Variants in ZNF37A observed in about 807,000 individuals in gnomAD.
The protein encoded by ZNF37A is zinc finger protein 37a (KOX 21).
Under a neutral mutation model 12.3 loss-of-function variants are expected in ZNF37A, and 10 were observed. The observed-to-expected ratio is 0.82, with a 90% CI of 0.50 to 1.38. The LOEUF is 1.38. Among genes scored for constraint, ZNF37A ranks in the 40% most tolerant of loss-of-function variants. The pLI, the probability that ZNF37A is intolerant of heterozygous loss-of-function variation, is 0.00. For synonymous variants in ZNF37A, 207 were observed against 223.0 expected (o/e 0.93, Z 0.64); for missense variants, 580 against 651.2 (o/e 0.89, Z 1.19).
In ZNF37A at chr10:38,119,911, T is replaced by A. The variant is rs1337200938; in HGVS notation, c.*1074T>A. On this transcript the variant is annotated 3_prime_UTR_variant, in exon 8 of 8. Transcript: ENST00000685332. Reference sequence around the variant, plus strand: ...CAGAATGGTGGATCAAAGCAGCAAGTCAATTTGCCTTGTATGCAACTTATG... The same window carrying A: ...CAGAATGGTGGATCAAAGCAGCAAGACAATTTGCCTTGTATGCAACTTATG... 1 of 152,194 alleles carries A rather than the reference T, an allele frequency of 6.6e-6. No homozygotes were observed. Among genetic ancestry groups the A allele is most frequent in the Non-Finnish European group, 1.5e-5 (1 of 68,042 alleles). The allele number at this position is 152,194 out of a possible 1,614,324, so 9.4% of individuals were successfully genotyped here. A position where few individuals can be genotyped will look rare whatever the true frequency, so the allele number is the denominator to read the frequency against.
At chr10:38,130,946 TGAC>T (rs2070018417) in intron 7 of ZNF37A, among the ~76,000 whole-genome samples, 1 of 152,246 alleles carries the variant, frequency 6.6e-6, no homozygotes, top group Admixed American at 6.5e-5. Context: ...ACTTCTCTAA[TGAC>T]TACTGATGTT....
At chr10:38,143,963 G>A (rs2070221007) in intron 7 of ZNF37A, 1 of 152,278 alleles carries the variant, frequency 6.6e-6, no homozygotes, top group Non-Finnish European at 1.5e-5. Flanking sequence ...GCCTCCACCT[G>A]TGACTGCTTT....
chr10:38,099,105 G>A (rs2067364378), intron 5 of ZNF37A, among the ~76,000 whole-genome samples: 1 of 152,124 alleles, frequency 6.6e-6, no homozygotes, highest in African/African-American at 2.4e-5. Flanking sequence ...AATATATGTG[G>A]CCAAAGCAGG....
At chr10:38,107,750 CAAAG>C (rs1359732274) in intron 5 of ZNF37A, among the ~76,000 whole-genome samples, 5 of 152,046 alleles carry the variant, frequency 3.3e-5, no homozygotes, top group African/African-American at 9.7e-5. Context: ...TCAAAAGAGA[CAAAG>C]AAGGGCATTA....
intron 5 of ZNF37A, 143 bp from the exon 6 acceptor site, chr10:38,114,612 A>G: frequency 1.0e-6 from 1 of 992,706 alleles, no homozygotes; most frequent in Non-Finnish European, 1.5e-6. Context: ...TGTAACATAA[A>G]ACAACATATA....
exon 8 of ZNF37A, chr10:38,149,410 G>A (rs910932457): frequency 1.3e-5 from 2 of 151,968 alleles, no homozygotes; most frequent in African/African-American, 4.8e-5. Context: ...GTCTCCTCCA[G>A]GCTCTCTCAC....
chr10:38,128,255 C>T (rs1474539045), downstream of ZNF37A, among the ~76,000 whole-genome samples: 6 of 152,106 alleles, frequency 3.9e-5, no homozygotes, highest in Admixed American at 3.9e-4. Context: ...AGGAAGGATG[C>T]ACAGAGGACT....
intron 5 of ZNF37A, among the ~76,000 whole-genome samples, chr10:38,112,486 A>G (rs2068772105): frequency 6.6e-6 from 1 of 151,970 alleles, no homozygotes; most frequent in Non-Finnish European, 1.5e-5. Context: ...AAATTTGTGC[A>G]ACCTCAGACA....
intron 7 of ZNF37A, chr10:38,140,099 A>G (rs556549190): frequency 6.6e-6 from 1 of 152,368 alleles, no homozygotes; most frequent in African/African-American, 2.4e-5. Flanking sequence ...AATCATTGCT[A>G]TGGCTGTACT....
In ZNF37A at chr10:38,120,255, C is replaced by T. The variant is rs1468150941; in HGVS notation, c.*1418C>T. 3 of 151,930 alleles carry T rather than the reference C, an allele frequency of 2.0e-5. No individual in the cohort carries two copies. The highest frequency in any genetic ancestry group is 7.3e-5 in the African/African-American group (3 of 41,336). The allele number at this position is 151,930 out of a possible 1,614,324, so 9.4% of individuals were successfully genotyped here. The stretch of plus-strand genomic sequence containing the variant: ...ACCAGCCTGGCCAACATGATGAAAC[C>T]CTGTCTCTACTAAAAATACAAAAAT... On this transcript the variant is annotated 3_prime_UTR_variant, in exon 8 of 8. Transcript: ENST00000685332.
chr10:38,146,429 A>G (rs1284942204), intron 7 of ZNF37A, among the ~76,000 whole-genome samples: 1 of 152,172 alleles, frequency 6.6e-6, no homozygotes, highest in Non-Finnish European at 1.5e-5. Context: ...TTAATAGTTT[A>G]TGAGGCCATT....
intron 5 of ZNF37A, among the ~76,000 whole-genome samples, chr10:38,103,042 T>C (rs566376943): frequency 5.3e-5 from 8 of 152,298 alleles, no homozygotes; most frequent in Admixed American, 1.3e-4. Flanking sequence ...ATCATAATTA[T>C]AGTTTCTTTA....
intron 7 of ZNF37A, among the ~76,000 whole-genome samples, chr10:38,146,396 A>G (rs1205260543): frequency 6.6e-6 from 1 of 152,222 alleles, no homozygotes; most frequent in Non-Finnish European, 1.5e-5. Context: ...TGTGACCACC[A>G]TGCCCAACCC....
At chr10:38,105,217 C>A (rs2067961297) in intron 5 of ZNF37A, among the ~76,000 whole-genome samples, 1 of 152,028 alleles carries the variant, frequency 6.6e-6, no homozygotes, top group African/African-American at 2.4e-5. Flanking sequence ...GTTGGTCAGG[C>A]TGGTCTCGAA....
At position 38,118,244 on chromosome 10, in the gene ZNF37A, T is replaced by C. The variant is rs747711924; in HGVS notation, c.1093T>C (p.Ser365Pro). The change falls in exon 8 of 8, where the codon TCA becomes CCA. Residue 365 changes from serine to proline, a missense_variant. Transcript: ENST00000685332. ...ATGTCATGAATGTGGGAAAACCTTCTCATTTAAGTCAGTCCTTACTGTGCA... is the reference window on the plus strand; with the variant it reads ...ATGTCATGAATGTGGGAAAACCTTCCCATTTAAGTCAGTCCTTACTGTGCA... ...YECHECGKTF[S>P]FKSVLTVHQK... 6.2e-7 allele frequency: 1 copy of C among 1,612,398 alleles called. No individual in the cohort carries two copies. The highest frequency in any genetic ancestry group is 8.5e-7 in the Non-Finnish European group (1 of 1,179,508).
At chr10:38,136,802 TC>T (rs1017699372) in intron 7 of ZNF37A, among the ~76,000 whole-genome samples, 30 of 152,204 alleles carry the variant, frequency 2.0e-4, no homozygotes, top group Non-Finnish European at 3.7e-4. Context: ...TTTGATGGTA[TC>T]TCACATATTC....
rs1204763602 is a variant in ZNF37A, at chr10:38,124,573, C to T, written c.*5736C>T. 6.6e-6 allele frequency: 1 copy of T among 152,034 alleles called. No homozygotes were observed. Among genetic ancestry groups the T allele is most frequent in the East Asian group, 1.9e-4 (1 of 5,172 alleles). 9.4% of individuals were successfully genotyped at this position (152,034 alleles called of 1,614,324 possible). A position where few individuals can be genotyped will look rare whatever the true frequency, so the allele number is the denominator to read the frequency against. ...TCATGTACCCCATAGATATATACAC[C>T]TAGTATGTACCCACAAAAATTAAAA... On this transcript the variant is annotated 3_prime_UTR_variant, in exon 8 of 8. Coordinates refer to ENST00000685332, the MANE Select transcript of ZNF37A (RefSeq NM_001324250.3).
rs1247168166 is a variant in ZNF37A at position 38,095,524 on chromosome 10, C to T, written c.-197-14C>T. 6.6e-6 allele frequency: 1 copy of T among 152,264 alleles called. No individual in the cohort carries two copies. Among genetic ancestry groups the T allele is most frequent in the African/African-American group, 2.4e-5 (1 of 41,468 alleles). 9.4% of individuals were successfully genotyped at this position (152,264 alleles called of 1,614,324 possible). ...GCACCCTCCATGCCTGGATTCGTTA[C>T]TCGCTCGTTCTAGATGCTGAGCTGC... On this transcript the variant is annotated splice_polypyrimidine_tract_variant and intron_variant, in intron 2 of 7. Transcript: ENST00000685332.
In ZNF37A at chr10:38,114,797, G is replaced by A. The variant is rs1258244494; in HGVS notation, c.58G>A (p.Glu20Lys). 2 of 1,614,036 alleles carry A rather than the reference G, an allele frequency of 1.2e-6. No homozygotes were observed. Among genetic ancestry groups the A allele is most frequent in the Non-Finnish European group, 1.7e-6 (2 of 1,179,984 alleles). ...FRDVTVGFTQEEWQHLDPAQR... is the reference protein window; with the variant it reads ...FRDVTVGFTQKEWQHLDPAQR... ...GGATGTGACTGTGGGCTTCACTCAA[G>A]AGGAGTGGCAGCATCTGGACCCTGC... The change falls in exon 6 of 8, where the codon GAG becomes AAG. Residue 20 changes from glutamate to lysine, a missense_variant. Physicochemically the swap from Glu to Lys is moderately conservative, Grantham distance 56. Coordinates refer to ENST00000685332, the MANE Select transcript of ZNF37A (RefSeq NM_001324250.3).
Sources: allele counts gnomAD v4.1 joint callset (sites outside exome capture counted in the v4.1 genomes callset), GRCh38; gene constraint gnomAD v4.1.1; transcripts MANE v1.5; gene names NCBI Gene and HGNC (gene_info 2026-07-23, HGNC 2026-07-21).